KCNH8: variants seen among roughly 807,000 people sequenced by gnomAD.
KCNH8 encodes voltage-gated delayed rectifier potassium channel KCNH8.
Under a neutral mutation model 103.6 loss-of-function variants are expected in KCNH8, and 70 were observed. The ratio of observed to expected loss-of-function variants is 0.68; its 90% CI spans 0.56 to 0.82. The LOEUF (loss-of-function observed/expected upper bound fraction) is 0.82, where lower values mean the gene tolerates loss of function less well. Among genes scored for constraint, KCNH8 ranks in the 40% least tolerant of loss-of-function variants. The probability of loss-of-function intolerance (pLI) is 0.00; values close to 1 mark genes in which losing one functional copy is unlikely to be tolerated. For missense variants in KCNH8, 1,217 were observed against 1,329.9 expected (o/e 0.92, Z 1.32); for synonymous variants, 498 against 489.4 (o/e 1.02, Z -0.23).
chr3:19,439,117 T>C (rs2067241943), intron 8 of KCNH8, among the ~76,000 whole-genome samples: 1 of 152,194 alleles, frequency 6.6e-6, no homozygotes, highest in Non-Finnish European at 1.5e-5. Context: ...AGCAAACATC[T>C]ATCCCCACTC....
intron 15 of KCNH8, among the ~76,000 whole-genome samples, chr3:19,521,086 G>C (rs535955397): frequency 6.6e-6 from 1 of 152,038 alleles, no homozygotes; most frequent in South Asian, 2.1e-4. Context: ...TTACAAAAAT[G>C]TCACAATAGG....
intron 1 of KCNH8, among the ~76,000 whole-genome samples, chr3:19,205,160 C>A (rs1015885492): frequency 3.3e-5 from 5 of 151,944 alleles, no homozygotes; most frequent in Non-Finnish European, 1.5e-5. Flanking sequence ...TATCCATCCA[C>A]TCACTCTTTC....
At position 19,362,706 on chromosome 3, in the gene KCNH8, C is replaced by A. The variant is rs528049805; in HGVS notation, c.811+14741C>A. Reference sequence around the variant, plus strand: ...TGAGACAAGGTCTCACTCTGTCATGCAGGCTGGAGTGCAGTGGCACAATCA... The same window carrying A: ...TGAGACAAGGTCTCACTCTGTCATGAAGGCTGGAGTGCAGTGGCACAATCA... On this transcript the variant is annotated intron_variant, in intron 5 of 15. Transcript: ENST00000328405. Among the ~76,000 whole-genome samples, 214 of 152,304 alleles carry A rather than the reference C, an allele frequency of 1.4e-3. 1 individual carries two copies. Among genetic ancestry groups the A allele is most frequent in the African/African-American group, 4.8e-3 (201 of 41,576 alleles).
At chr3:19,352,496 C>T (rs997366137) in intron 5 of KCNH8, among the ~76,000 whole-genome samples, 1 of 152,128 alleles carries the variant, frequency 6.6e-6, no homozygotes, top group Non-Finnish European at 1.5e-5. Flanking sequence ...AAGCACTCCT[C>T]AGCAAATGCA....
At chr3:19,472,384 G>A (rs1003045960) in intron 11 of KCNH8, among the ~76,000 whole-genome samples, 1 of 152,136 alleles carries the variant, frequency 6.6e-6, no homozygotes, top group Non-Finnish European at 1.5e-5. Context: ...AATTCCCACT[G>A]TTGTGGGAGG....
intron 11 of KCNH8, among the ~76,000 whole-genome samples, chr3:19,492,337 G>C (rs1486586247): frequency 1.3e-5 from 2 of 152,100 alleles, no homozygotes; most frequent in African/African-American, 2.4e-5. Flanking sequence ...CATCCATCTT[G>C]AGTTAATTTT....
chr3:19,258,402 A>G (rs2064374087), intron 2 of KCNH8, among the ~76,000 whole-genome samples: 1 of 151,958 alleles, frequency 6.6e-6, no homozygotes, highest in Non-Finnish European at 1.5e-5. Flanking sequence ...TGACTCAGTA[A>G]TTAGGAGAAT....
chr3:19,333,587 C>T (rs1003375539), intron 3 of KCNH8, among the ~76,000 whole-genome samples: 1 of 152,130 alleles, frequency 6.6e-6, no homozygotes, highest in African/African-American at 2.4e-5. Flanking sequence ...TTTTGTAACA[C>T]TCTCATAGTA....
chr3:19,445,738 G>A (rs944897142), intron 8 of KCNH8, among the ~76,000 whole-genome samples: 2 of 151,860 alleles, frequency 1.3e-5, no homozygotes, highest in Non-Finnish European at 2.9e-5. Context: ...TGGGGATGAA[G>A]GGATGGGTTT....
intron 11 of KCNH8, among the ~76,000 whole-genome samples, chr3:19,484,489 G>C (rs1450339937): frequency 6.6e-6 from 1 of 152,206 alleles, no homozygotes; most frequent in Non-Finnish European, 1.5e-5. Context: ...GCGTAGACCA[G>C]TCAGCTTCTG....
intron 7 of KCNH8, among the ~76,000 whole-genome samples, chr3:19,413,531 C>G (rs1169854636): frequency 1.3e-5 from 2 of 152,000 alleles, no homozygotes; most frequent in Admixed American, 1.3e-4. Flanking sequence ...CATGTACCTC[C>G]TGAATCTAAA....
intron 11 of KCNH8, among the ~76,000 whole-genome samples, chr3:19,491,643 T>C (rs931908495): frequency 2.6e-5 from 4 of 152,218 alleles, no homozygotes; most frequent in African/African-American, 9.6e-5. Flanking sequence ...AGTGCAGCAA[T>C]GAACATATGA....
At chr3:19,464,873 C>T (rs1177158806) in intron 11 of KCNH8, among the ~76,000 whole-genome samples, 1 of 152,016 alleles carries the variant, frequency 6.6e-6, no homozygotes, top group Admixed American at 6.6e-5. Context: ...ATCATCTACT[C>T]TATTGCTCAT....
intron 5 of KCNH8, among the ~76,000 whole-genome samples, chr3:19,382,648 G>T (rs1317491172): frequency 1.3e-5 from 2 of 151,858 alleles, no homozygotes; most frequent in Admixed American, 6.6e-5. Flanking sequence ...GAAGCCTATA[G>T]AGTAGTAGTA....
rs1319364993 is a variant in KCNH8, at chr3:19,148,603, A to T, written c.-117A>T. 2.1e-6 allele frequency: 2 copies of T among 962,686 alleles called. No individual in the cohort carries two copies. Among genetic ancestry groups the T allele is most frequent in the African/African-American group, 1.6e-5 (1 of 62,742 alleles). 59.6% of individuals were successfully genotyped at this position (962,686 alleles called of 1,614,324 possible). A position where few individuals can be genotyped will look rare whatever the true frequency, so the allele number is the denominator to read the frequency against. Reference sequence around the variant, plus strand: ...ACTTCCCCTGCTCGGCCCCGCCGTCAGGCCGGGTCCCCCTTCCCTGCCGTC... The same window carrying T: ...ACTTCCCCTGCTCGGCCCCGCCGTCTGGCCGGGTCCCCCTTCCCTGCCGTC... On this transcript the variant is annotated 5_prime_UTR_variant, in exon 1 of 16. Transcript: ENST00000328405.
chr3:19,523,059 A>G (rs1171435929), intron 15 of KCNH8, among the ~76,000 whole-genome samples: 2 of 151,952 alleles, frequency 1.3e-5, no homozygotes, highest in Admixed American at 6.6e-5. Context: ...GTTGTTTCCT[A>G]TAACACATTA....
intron 3 of KCNH8, among the ~76,000 whole-genome samples, chr3:19,324,803 T>C (rs1243771131): frequency 1.3e-5 from 2 of 151,526 alleles, no homozygotes; most frequent in Non-Finnish European, 2.9e-5. Flanking sequence ...TAAACTACAA[T>C]TGACATTCTT....
In KCNH8 at chr3:19,533,483, A is replaced by G. The variant is rs758975942; in HGVS notation, c.2708A>G (p.Gln903Arg). The G allele has an allele frequency of 1.2e-6, 2 of 1,614,074 alleles. No individual in the cohort carries two copies. The highest frequency in any genetic ancestry group is 2.7e-5 in the African/African-American group (2 of 74,944). ...QLLENVLSPQQPSRFCSLHST... is the reference protein window; with the variant it reads ...QLLENVLSPQRPSRFCSLHST... Reference sequence around the variant, plus strand: ...CTGGAAAACGTTCTGTCACCTCAGCAGCCATCACGGTTTTGCTCTTTGCAC... The same window carrying G: ...CTGGAAAACGTTCTGTCACCTCAGCGGCCATCACGGTTTTGCTCTTTGCAC... Residue 903 changes from glutamine (Q) to arginine (R), a missense_variant, in exon 16 of 16, where the codon CAG (glutamine) becomes CGG (arginine). Physicochemically the swap from Gln to Arg is conservative, Grantham distance 43. This residue lies in a region of KCNH8 where 558 missense variants were observed against 495.8 expected (regional missense o/e 1.13). Transcript: ENST00000328405.
chr3:19,197,736 T>G (rs1176993276), intron 1 of KCNH8, among the ~76,000 whole-genome samples: 1 of 152,094 alleles, frequency 6.6e-6, no homozygotes, highest in Non-Finnish European at 1.5e-5. Context: ...TTACATAAGT[T>G]AATACATGTC....
Sources: gnomAD v4.1 joint callset for allele counts (sites outside exome capture counted in the v4.1 genomes callset) on GRCh38, gnomAD v4.1.1 for gene constraint, gnomAD v4.1.1 regional missense constraint, MANE v1.5 for transcripts, NCBI Gene and HGNC (gene_info 2026-07-23, HGNC 2026-07-21) for gene names.